Variants in PTPRD observed in about 807,000 individuals in gnomAD.
PTPRD encodes the protein receptor-type tyrosine-protein phosphatase delta.
Under a neutral mutation model 214.5 loss-of-function variants are expected in PTPRD, and 34 were observed. The observed-to-expected ratio is 0.16, with a 90% confidence interval of 0.12 to 0.21. The LOEUF is 0.21. Ranked by LOEUF, PTPRD falls within the 10% of genes least tolerant of loss-of-function variation. PTPRD has a pLI of 1.00. For missense variants in PTPRD, 2,545 were observed against 2,398.7 expected (o/e 1.06, Z -1.27); for synonymous variants, 1,128 against 845.7 (o/e 1.33, Z -5.79).
At chr9:9,856,072 G>A (rs1279099648) in intron 5 of PTPRD, among the ~76,000 whole-genome samples, 1 of 152,184 alleles carries the variant, frequency 6.6e-6, no homozygotes, top group African/African-American at 2.4e-5. Context: ...GGCCCTCAGT[G>A]GGAAGGGGAG....
chr9:8,988,429 T>G (rs1315878635), intron 11 of PTPRD, among the ~76,000 whole-genome samples: 1 of 152,096 alleles, frequency 6.6e-6, no homozygotes, highest in Non-Finnish European at 1.5e-5. Flanking sequence ...TAAGAAATCC[T>G]GGCTTTAATA....
chr9:10,060,051 A>G (rs1267470678), intron 3 of PTPRD, among the ~76,000 whole-genome samples: 1 of 152,042 alleles, frequency 6.6e-6, no homozygotes, highest in Non-Finnish European at 1.5e-5. Context: ...GATGCTTCCG[A>G]TATTCTATTT....
intron 39 of PTPRD, among the ~76,000 whole-genome samples, chr9:8,362,542 T>G (rs1398476800): frequency 1.3e-5 from 2 of 152,182 alleles, no homozygotes; most frequent in Non-Finnish European, 2.9e-5. Flanking sequence ...GCCCAATTGA[T>G]TAGAATTGGA....
At chr9:8,631,727 G>T (rs904024504) in intron 14 of PTPRD, among the ~76,000 whole-genome samples, 1 of 151,778 alleles carries the variant, frequency 6.6e-6, no homozygotes, top group Admixed American at 6.6e-5. Context: ...CAGCACTAAA[G>T]CATAAGGTCC....
At chr9:10,249,904 A>G (rs1221674188) in intron 3 of PTPRD, among the ~76,000 whole-genome samples, 1 of 152,192 alleles carries the variant, frequency 6.6e-6, no homozygotes, top group Non-Finnish European at 1.5e-5. Context: ...AAATAAATAA[A>G]GCGCTTAAAT....
intron 2 of PTPRD, among the ~76,000 whole-genome samples, chr9:10,550,714 C>T (rs1566886837): frequency 6.6e-6 from 1 of 152,098 alleles, no homozygotes; most frequent in African/African-American, 2.4e-5. Context: ...GCAGAAATAC[C>T]CCATGATATG....
intron 4 of PTPRD, among the ~76,000 whole-genome samples, chr9:9,975,403 C>G (rs1194230072): frequency 1.3e-5 from 2 of 152,150 alleles, no homozygotes; most frequent in Non-Finnish European, 2.9e-5. Context: ...TGCTTTTAAC[C>G]TCTCTTCAAA....
At chr9:10,444,386 A>C (rs2098783862) in intron 2 of PTPRD, among the ~76,000 whole-genome samples, 1 of 151,840 alleles carries the variant, frequency 6.6e-6, no homozygotes, top group South Asian at 2.1e-4. Context: ...AGTAGATAAA[A>C]ACACCTTTAC....
In PTPRD at chr9:9,716,445, G is replaced by T. The variant is rs559237567; in HGVS notation, c.-287+18088C>A. ...AATCGCCACACTGACTTCCACAAGGGTTGAACTAGTTTACAGTCCCACCAA... is the reference window on the plus strand; with the variant it reads ...AATCGCCACACTGACTTCCACAAGGTTTGAACTAGTTTACAGTCCCACCAA... On this transcript the variant is annotated intron_variant, in intron 7 of 45. Transcript: ENST00000381196. 4.8e-3 allele frequency among the ~76,000 whole-genome samples: 731 copies of T among 152,054 alleles called. 3 individuals carry two copies. Among genetic ancestry groups the T allele is most frequent in the Non-Finnish European group, 8.3e-3 (567 of 68,002 alleles).
chr9:10,582,797 A>C (rs1246052944), intron 2 of PTPRD, among the ~76,000 whole-genome samples: 3 of 152,260 alleles, frequency 2.0e-5, no homozygotes, highest in Non-Finnish European at 2.9e-5. Flanking sequence ...AATACTGTGC[A>C]GAAGTAATTC....
chr9:9,443,080 T>C (rs1239042004), intron 8 of PTPRD, among the ~76,000 whole-genome samples: 2 of 152,080 alleles, frequency 1.3e-5, no homozygotes, highest in African/African-American at 4.8e-5. Context: ...TGCAACAAAA[T>C]CTGCATCACA....
At chr9:10,556,957 TA>T (rs1296583979) in intron 2 of PTPRD, among the ~76,000 whole-genome samples, 1 of 152,104 alleles carries the variant, frequency 6.6e-6, no homozygotes, top group Non-Finnish European at 1.5e-5. Flanking sequence ...ATATATCAGT[TA>T]AATAGCAGAC....
intron 7 of PTPRD, among the ~76,000 whole-genome samples, chr9:9,595,609 A>G (rs2093279202): frequency 6.6e-6 from 1 of 151,636 alleles, no homozygotes; most frequent in Non-Finnish European, 1.5e-5. Flanking sequence ...AATACAATTC[A>G]GCCATTAAAA....
intron 11 of PTPRD, among the ~76,000 whole-genome samples, chr9:8,852,785 C>A (rs1451786686): frequency 6.6e-6 from 1 of 151,986 alleles, no homozygotes; most frequent in Non-Finnish European, 1.5e-5. Flanking sequence ...CTTTTTTCCC[C>A]CTTTTGGTAA....
intron 37 of PTPRD, among the ~76,000 whole-genome samples, chr9:8,387,563 C>T (rs1250537648): frequency 1.3e-5 from 2 of 152,194 alleles, no homozygotes; most frequent in Admixed American, 6.5e-5. Flanking sequence ...GTTGGATTTA[C>T]ATGCATGCCG....
chr9:8,490,151 G>T (rs1353691433), intron 27 of PTPRD, among the ~76,000 whole-genome samples: 1 of 152,208 alleles, frequency 6.6e-6, no homozygotes, highest in African/African-American at 2.4e-5. Context: ...ACTCAGGGGA[G>T]TTGGAAGGTC....
chr9:10,308,933 T>G (rs2096178960), intron 3 of PTPRD, among the ~76,000 whole-genome samples: 1 of 152,080 alleles, frequency 6.6e-6, no homozygotes, highest in African/African-American at 2.4e-5. Context: ...ATCCTTATGA[T>G]TAAAATTATT....
intron 11 of PTPRD, among the ~76,000 whole-genome samples, chr9:8,979,515 A>G (rs554730429): frequency 1.3e-5 from 2 of 152,272 alleles, no homozygotes; most frequent in East Asian, 1.9e-4. Flanking sequence ...TCCAAAATTT[A>G]TAAAGAACTC....
intron 9 of PTPRD, among the ~76,000 whole-genome samples, chr9:9,213,509 C>T (rs973729820): frequency 1.4e-5 from 2 of 141,098 alleles, no homozygotes; most frequent in Admixed American, 1.4e-4. Flanking sequence ...GCCCTGTTTT[C>T]CTGGTTTTTT....
Sources: gnomAD v4.1 joint callset for allele counts (sites outside exome capture counted in the v4.1 genomes callset) on GRCh38, gnomAD v4.1.1 for gene constraint, MANE v1.5 for transcripts, NCBI Gene and HGNC (gene_info 2026-07-23, HGNC 2026-07-21) for gene names.